SEC14L5: variants seen among roughly 807,000 people sequenced by gnomAD.
SEC14L5 encodes SEC14 like lipid binding 5, also known as SEC14-like protein 5.
A neutral mutation model predicts 84.6 loss-of-function variants in SEC14L5; 96 were observed. The observed-to-expected ratio is 1.13, with a 90% CI of 0.96 to 1.34. The LOEUF (loss-of-function observed/expected upper bound fraction) is 1.34, where lower values mean the gene tolerates loss of function less well. Ranked by LOEUF, SEC14L5 falls within the 40% of genes most tolerant of loss-of-function variation. SEC14L5 has a pLI of 0.00. For synonymous variants in SEC14L5, 546 were observed against 383.4 expected (o/e 1.42, Z -4.95); for missense variants, 1,224 against 942.5 (o/e 1.30, Z -3.91).
intron 13 of SEC14L5, among the ~76,000 whole-genome samples, chr16:5,008,142 C>G (rs916532092): frequency 6.6e-6 from 1 of 152,022 alleles, no homozygotes; most frequent in Non-Finnish European, 1.5e-5. Context: ...TCTCGAACTC[C>G]TGACCTCAAG....
In SEC14L5 at chr16:5,015,964, T is replaced by C. The variant is rs1280138218; in HGVS notation, c.*994T>C. Reference sequence around the variant, plus strand: ...GTCTGTATACCCCACTGGAGATGCCTTTCTCTCCTAGGGAACTGTTTAATT... The same window carrying C: ...GTCTGTATACCCCACTGGAGATGCCCTTCTCTCCTAGGGAACTGTTTAATT... On this transcript the variant is annotated 3_prime_UTR_variant, in exon 16 of 16. Transcript: ENST00000251170. 6.6e-6 allele frequency: 1 copy of C among 152,194 alleles called. No individual in the cohort carries two copies. Among genetic ancestry groups the C allele is most frequent in the Non-Finnish European group, 1.5e-5 (1 of 68,030 alleles). 9.4% of individuals were successfully genotyped at this position (152,194 alleles called of 1,614,324 possible). A position where few individuals can be genotyped will look rare whatever the true frequency, so the allele number is the denominator to read the frequency against.
chr16:4,992,804 A>C (rs1955565671), intron 6 of SEC14L5, among the ~76,000 whole-genome samples: 1 of 152,206 alleles, frequency 6.6e-6, no homozygotes. Flanking sequence ...CTATGTCCTG[A>C]AGCTGTTTAG....
At chr16:4,984,536 C>G (rs1401958691) in intron 2 of SEC14L5, among the ~76,000 whole-genome samples, 1 of 152,060 alleles carries the variant, frequency 6.6e-6, no homozygotes, top group Non-Finnish European at 1.5e-5. Flanking sequence ...TTTCATTTCT[C>G]TTGGGTACAT....
intron 6 of SEC14L5, among the ~76,000 whole-genome samples, chr16:4,992,799 T>A (rs1042810576): frequency 6.6e-6 from 1 of 152,236 alleles, no homozygotes; most frequent in Non-Finnish European, 1.5e-5. Flanking sequence ...TGTTTCTATG[T>A]CCTGAAGCTG....
chr16:4,997,193 G>A (rs749953746), intron 8 of SEC14L5, 149 bp downstream of exon 8: 123 of 547,392 alleles, frequency 2.2e-4, no homozygotes, highest in Non-Finnish European at 3.4e-4. Flanking sequence ...CCGCTTCCCG[G>A]GTTCAAGCAA....
At chr16:4,995,624 C>T (rs984544735) in intron 6 of SEC14L5, among the ~76,000 whole-genome samples, 2 of 128,546 alleles carry the variant, frequency 1.6e-5, no homozygotes, top group African/African-American at 5.9e-5. Context: ...CTCTCTCTCT[C>T]TTTTTTTTTT....
chr16:5,008,524 G>C lies in SEC14L5; in HGVS notation c.1676G>C (p.Arg559Thr), dbSNP rs372436902. The change falls in exon 14 of 16, where the codon AGG becomes ACG. Residue 559 changes from arginine to threonine, a missense_variant. Arg to Thr is a moderately conservative substitution (Grantham distance 71). Transcript: ENST00000251170. The stretch of plus-strand genomic sequence containing the variant: ...CTGTACCACACCAAGCAGGCGCCCA[G>C]GCTGGGCGCCCGGGAACCGGGGACC... ...FSLYHTKQAP[R>T]LGAREPGTRA... 6.2e-6 allele frequency: 10 copies of C among 1,609,286 alleles called. No individual in the cohort carries two copies. The highest frequency in any genetic ancestry group is 1.1e-5 in the South Asian group (1 of 90,604).
intron 15 of SEC14L5, among the ~76,000 whole-genome samples, chr16:5,013,748 A>T (rs1010112718): frequency 6.6e-6 from 1 of 151,812 alleles, no homozygotes; most frequent in Non-Finnish European, 1.5e-5. Flanking sequence ...TAGTGGAGAC[A>T]GGTTTCGCCA....
chr16:4,984,294 G>C (rs1161833834), intron 2 of SEC14L5, among the ~76,000 whole-genome samples: 1 of 152,102 alleles, frequency 6.6e-6, no homozygotes, highest in Admixed American at 6.6e-5. Flanking sequence ...GCAATATATG[G>C]TATTTTGTGA....
At chr16:4,977,446 C>CAAAAAAAAAAAAAAAAAAA (rs762657125) in intron 2 of SEC14L5, among the ~76,000 whole-genome samples, 2 of 66,138 alleles carry the variant, frequency 3.0e-5, no homozygotes, top group Non-Finnish European at 5.1e-5. Flanking sequence ...GACTCCGTCT[C>CAAAAAAAAAAAAAAAAAAA]AAAAAAAAAA....
intron 2 of SEC14L5, among the ~76,000 whole-genome samples, chr16:4,963,404 G>T (rs1322898456): frequency 6.6e-6 from 1 of 152,082 alleles, no homozygotes; most frequent in Non-Finnish European, 1.5e-5. Flanking sequence ...GGAGTGCAGT[G>T]GCATGATCTT....
Position 5,016,341 on chromosome 16 carries a change from C to T in SEC14L5, c.*1371C>T, listed in dbSNP as rs996796676. On this transcript the variant is annotated 3_prime_UTR_variant, in exon 16 of 16. Transcript: ENST00000251170. ...TCACCAACTTGAAGCCTGATCTGGC[C>T]TGCTTTTAGTGTTGCTTTTTTGCCT... is the stretch of plus-strand genomic sequence containing the variant. The T allele has an allele frequency of 8.5e-5, 13 of 152,162 alleles. No individual in the cohort carries two copies. Among genetic ancestry groups the T allele is most frequent in the African/African-American group, 3.1e-4 (13 of 41,418 alleles). The allele number at this position is 152,162 out of a possible 1,614,324, so 9.4% of individuals were successfully genotyped here.
At chr16:5,007,534 G>C (rs781747009) in intron 13 of SEC14L5, 48 bp downstream of exon 13, 1 of 1,581,102 alleles carries the variant, frequency 6.3e-7, no homozygotes, top group Admixed American at 1.7e-5. Flanking sequence ...AGTGTCTGTC[G>C]TCTTAGGTCA....
At chr16:4,962,335 G>A (rs555374337) in intron 2 of SEC14L5, among the ~76,000 whole-genome samples, 8 of 151,946 alleles carry the variant, frequency 5.3e-5, no homozygotes, top group Non-Finnish European at 1.2e-4. Context: ...TACTCCCTTC[G>A]CTGTTGAGTC....
intron 2 of SEC14L5, among the ~76,000 whole-genome samples, chr16:4,983,282 G>T (rs1286321137): frequency 6.6e-6 from 1 of 151,734 alleles, no homozygotes. Context: ...CCAAAGTGTT[G>T]GGATTACAGG....
rs910438759 is a variant in SEC14L5, at chr16:5,015,257, G to T, written c.*287G>T. The T allele has an allele frequency of 8.0e-6, 3 of 376,834 alleles. No individual in the cohort carries two copies. Among genetic ancestry groups the T allele is most frequent in the Non-Finnish European group, 1.4e-5 (3 of 208,628 alleles). The allele number at this position is 376,834 out of a possible 1,614,324, so 23.3% of individuals were successfully genotyped here. A position where few individuals can be genotyped will look rare whatever the true frequency, so the allele number is the denominator to read the frequency against. On this transcript the variant is annotated 3_prime_UTR_variant, in exon 16 of 16. Transcript: ENST00000251170. The stretch of plus-strand genomic sequence containing the variant: ...CATACCACACCTTTGGGACATCCGG[G>T]CTTAGCGACGTCAGCCAGGCCCATC...
chr16:5,010,566 C>T (rs1245947327), intron 14 of SEC14L5, among the ~76,000 whole-genome samples: 1 of 152,150 alleles, frequency 6.6e-6, no homozygotes, highest in Non-Finnish European at 1.5e-5. Flanking sequence ...ACCGAAGTTC[C>T]CGGTGGGGAG....
intron 11 of SEC14L5, among the ~76,000 whole-genome samples, chr16:5,004,369 T>A (rs1165629705): frequency 1.3e-5 from 2 of 152,102 alleles, no homozygotes; most frequent in African/African-American, 4.8e-5. Flanking sequence ...ACCTGCTGTT[T>A]GGGGTGGTTT....
intron 8 of SEC14L5, 123 bp downstream of exon 8, chr16:4,997,167 C>G: frequency 3.2e-6 from 2 of 629,714 alleles, no homozygotes; most frequent in Non-Finnish European, 5.0e-6. Context: ...GGTGCCATCT[C>G]GGCTCACCAT....
Sources: allele counts gnomAD v4.1 joint callset (sites outside exome capture counted in the v4.1 genomes callset), GRCh38; gene constraint gnomAD v4.1.1; transcripts MANE v1.5; gene names NCBI Gene and HGNC (gene_info 2026-07-23, HGNC 2026-07-21).